Variants in PDE7B observed in about 807,000 individuals in gnomAD.
The protein encoded by PDE7B is phosphodiesterase 7B.
In PDE7B, 29 loss-of-function variants were observed where a neutral mutation model predicts 56.2. The observed-to-expected ratio is 0.52, with a 90% CI of 0.38 to 0.70. The LOEUF (loss-of-function observed/expected upper bound fraction) is 0.70, where lower values mean the gene tolerates loss of function less well. Ranked by LOEUF, PDE7B falls within the 30% of genes least tolerant of loss-of-function variation. The pLI is 0.00. For synonymous variants in PDE7B, 197 were observed against 196.9 expected, an observed-to-expected ratio of 1.00 and a Z score of 0.00; for missense variants, 490 against 565.0, an observed-to-expected ratio of 0.87 and a Z score of 1.35.
At chr6:136,136,149 G>A (rs893158330) in intron 3 of PDE7B, among the ~76,000 whole-genome samples, 1 of 152,080 alleles carries the variant, frequency 6.6e-6, no homozygotes, top group African/African-American at 2.4e-5. Context: ...AAGAGTGAAA[G>A]AGCTGTGCTG....
chr6:135,923,595 A>G (rs1774131136), intron 1 of PDE7B, among the ~76,000 whole-genome samples: 1 of 152,174 alleles, frequency 6.6e-6, no homozygotes, highest in South Asian at 2.1e-4. Flanking sequence ...AAAAAAGTAG[A>G]TGAATAGCTG....
At chr6:136,003,785 T>C (rs980843972) in intron 2 of PDE7B, among the ~76,000 whole-genome samples, 1 of 152,224 alleles carries the variant, frequency 6.6e-6, no homozygotes, top group African/African-American at 2.4e-5. Flanking sequence ...AAGGAGGAAC[T>C]GGTACCATTC....
At chr6:136,119,980 T>A (rs1178717770) in intron 3 of PDE7B, among the ~76,000 whole-genome samples, 1 of 152,214 alleles carries the variant, frequency 6.6e-6, no homozygotes, top group Non-Finnish European at 1.5e-5. Context: ...AGGACTTTGA[T>A]CTACTGACCC....
At chr6:136,055,645 C>T (rs924431176) in intron 2 of PDE7B, among the ~76,000 whole-genome samples, 2 of 152,178 alleles carry the variant, frequency 1.3e-5, no homozygotes, top group Non-Finnish European at 2.9e-5. Flanking sequence ...ATAAATATTA[C>T]ACTGAAAGCA....
At chr6:136,075,896 C>G (rs1220988216) in intron 2 of PDE7B, among the ~76,000 whole-genome samples, 1 of 152,168 alleles carries the variant, frequency 6.6e-6, no homozygotes. Flanking sequence ...ATCTCATTTT[C>G]TGTGACTTGA....
chr6:135,904,495 T>C (rs1240556677), intron 1 of PDE7B, among the ~76,000 whole-genome samples: 1 of 152,194 alleles, frequency 6.6e-6, no homozygotes, highest in East Asian at 1.9e-4. Flanking sequence ...AGACAACAGA[T>C]TACCCCAGTC....
chr6:135,851,952 A>G lies in PDE7B; in HGVS notation c.-47A>G. ...TCTTCATGAACAAGCAGCACCGCTC[A>G]GAGATTTCACGGCATTCAAAGGTCA... On this transcript the variant is annotated 5_prime_UTR_variant, in exon 1 of 13. Transcript: ENST00000308191. 1 of 1,507,640 alleles carries G rather than the reference A, an allele frequency of 6.6e-7. No homozygotes were observed. 93.4% of individuals were successfully genotyped at this position (1,507,640 alleles called of 1,614,324 possible). A position where few individuals can be genotyped will look rare whatever the true frequency, so the allele number is the denominator to read the frequency against.
intron 1 of PDE7B, among the ~76,000 whole-genome samples, chr6:135,872,926 A>C (rs1468361392): frequency 6.6e-6 from 1 of 152,158 alleles, no homozygotes; most frequent in Non-Finnish European, 1.5e-5. Flanking sequence ...CTCCACATCC[A>C]AATCTTTCTC....
intron 2 of PDE7B, among the ~76,000 whole-genome samples, chr6:136,015,304 C>T (rs1475574265): frequency 6.6e-6 from 1 of 152,190 alleles, no homozygotes; most frequent in Non-Finnish European, 1.5e-5. Flanking sequence ...CAGGCTTACA[C>T]AATTGTCAGC....
chr6:135,882,609 T>G (rs185147929), intron 1 of PDE7B, among the ~76,000 whole-genome samples: 1 of 152,318 alleles, frequency 6.6e-6, no homozygotes, highest in African/African-American at 2.4e-5. Flanking sequence ...CCTTGAGATT[T>G]CCATGTATAG....
At position 136,194,577 on chromosome 6, in the gene PDE7B, T is replaced by A. The variant is rs963450750; in HGVS notation, c.*2737T>A. The A allele has an allele frequency of 6.6e-6, 1 of 152,192 alleles. No individual in the cohort carries two copies. Among genetic ancestry groups the A allele is most frequent in the Admixed American group, 6.5e-5 (1 of 15,280 alleles). 9.4% of individuals were successfully genotyped at this position (152,192 alleles called of 1,614,324 possible). On this transcript the variant is annotated 3_prime_UTR_variant, in exon 13 of 13. Transcript: ENST00000308191. ...GGCTATTAGTGGCTGTCTTGCAATA[T>A]TTCAATAGGAGTCCAATTACTAGTT...
intron 2 of PDE7B, among the ~76,000 whole-genome samples, chr6:136,103,925 A>G (rs940083814): frequency 6.6e-6 from 1 of 152,206 alleles, no homozygotes; most frequent in Non-Finnish European, 1.5e-5. Flanking sequence ...CATCGCTGTC[A>G]GAGTCTCCAC....
At chr6:135,986,358 T>C (rs1775376142) in intron 2 of PDE7B, among the ~76,000 whole-genome samples, 1 of 152,222 alleles carries the variant, frequency 6.6e-6, no homozygotes, top group African/African-American at 2.4e-5. Context: ...TGGCAGCCTT[T>C]AAAGCAACTA....
intron 12 of PDE7B, among the ~76,000 whole-genome samples, chr6:136,187,625 C>T (rs866310562): frequency 2.6e-5 from 4 of 152,164 alleles, no homozygotes; most frequent in African/African-American, 9.7e-5. Context: ...AACTTATTTT[C>T]AGGTTATTCT....
chr6:136,151,097 T>C (rs1778504883), intron 5 of PDE7B, 63 bp from the exon 6 acceptor site: 1 of 844,976 alleles, frequency 1.2e-6, no homozygotes, highest in Admixed American at 1.8e-5. Flanking sequence ...TAGGTCTTAT[T>C]GTCAATCTTG....
chr6:136,056,512 CTTTTTTTTTTTTTTTTTTTTTTTTTTTT>C (rs542232291), intron 2 of PDE7B, among the ~76,000 whole-genome samples: 1 of 53,904 alleles, frequency 1.9e-5, no homozygotes, highest in African/African-American at 9.6e-5. Flanking sequence ...AGATAGAATC[CTTTTTTTTTTTTTTTTTTTTTTTTTTTT>C]TTTTTTTTTG....
intron 1 of PDE7B, among the ~76,000 whole-genome samples, chr6:135,906,802 T>A (rs1238191383): frequency 1.4e-5 from 2 of 142,080 alleles, no homozygotes; most frequent in Non-Finnish European, 3.0e-5. Context: ...CAAATGTTAA[T>A]GAGGTTTGTT....
In PDE7B at chr6:136,195,004, T is replaced by C. The variant is rs1779291803; in HGVS notation, c.*3164T>C. On this transcript the variant is annotated 3_prime_UTR_variant, in exon 13 of 13. Transcript: ENST00000308191. ...AGTTGACTTGCCAGGTTTAATTCTTTCATTGCTTGAGAAGAAAGGAATCAA... is the reference window on the plus strand; with the variant it reads ...AGTTGACTTGCCAGGTTTAATTCTTCCATTGCTTGAGAAGAAAGGAATCAA... 1 of 152,216 alleles carries C rather than the reference T, an allele frequency of 6.6e-6. No homozygotes were observed. The highest frequency in any genetic ancestry group is 2.1e-4 in the South Asian group (1 of 4,834). 9.4% of individuals were successfully genotyped at this position (152,216 alleles called of 1,614,324 possible). A position where few individuals can be genotyped will look rare whatever the true frequency, so the allele number is the denominator to read the frequency against.
intron 2 of PDE7B, among the ~76,000 whole-genome samples, chr6:136,018,237 C>G (rs1266082427): frequency 6.6e-6 from 1 of 152,148 alleles, no homozygotes; most frequent in Non-Finnish European, 1.5e-5. Context: ...TAGCAGATCA[C>G]TAAATCCAAA....
Sources: gnomAD v4.1 joint callset for allele counts (sites outside exome capture counted in the v4.1 genomes callset) on GRCh38, gnomAD v4.1.1 for gene constraint, MANE v1.5 for transcripts, NCBI Gene and HGNC (gene_info 2026-07-23, HGNC 2026-07-21) for gene names.